The following GLB1L3 variants were observed in gnomAD, a reference collection of about 807,000 sequenced individuals.
The protein encoded by GLB1L3 is galactosidase beta 1 like 3.
Under a neutral mutation model 89.5 loss-of-function variants are expected in GLB1L3, and 89 were observed. The ratio of observed to expected loss-of-function variants is 0.99; its 90% confidence interval spans 0.84 to 1.19. The LOEUF is 1.19. Among genes scored for constraint, GLB1L3 ranks in the 50% most tolerant of loss-of-function variants. The pLI is 0.00. For missense variants in GLB1L3, 812 were observed against 813.3 expected, an observed-to-expected ratio of 1.00 and a Z score of 0.02; for synonymous variants, 314 against 312.3, an observed-to-expected ratio of 1.01 and a Z score of -0.06.
chr11:134,299,495 G>C (rs929155008), intron 9 of GLB1L3, among the ~76,000 whole-genome samples: 1 of 152,090 alleles, frequency 6.6e-6, no homozygotes, highest in Non-Finnish European at 1.5e-5. Context: ...TGGTTGTGGG[G>C]TTTGTTGTTG....
intron 7 of GLB1L3, among the ~76,000 whole-genome samples, chr11:134,289,434 C>T (rs1438408998): frequency 2.6e-5 from 4 of 151,962 alleles, no homozygotes; most frequent in Non-Finnish European, 4.4e-5. Flanking sequence ...GAAAAAAATC[C>T]GAGTATAAGT....
At chr11:134,282,172 A>T (rs1000333061) in intron 5 of GLB1L3, 52 bp downstream of exon 5, 4 of 1,489,454 alleles carry the variant, frequency 2.7e-6, no homozygotes, top group African/African-American at 2.8e-5. Flanking sequence ...TATTTGCTTT[A>T]AAAAAAGTGA....
chr11:134,280,734 A>G (rs1440584735), intron 3 of GLB1L3, among the ~76,000 whole-genome samples: 7 of 152,282 alleles, frequency 4.6e-5, no homozygotes, highest in Admixed American at 1.3e-4. Context: ...TCTACGATGT[A>G]TTGTCAAAAA....
In GLB1L3 at chr11:134,319,336, G is replaced by A. The variant is rs1360482284; in HGVS notation, c.*394G>A. ...ATTTATGTTAAGACTATCAAACACA[G>A]TGTTGCCTACAATAGCAAAAATGTG... On this transcript the variant is annotated 3_prime_UTR_variant, in exon 20 of 20. Transcript: ENST00000431683. 1 of 169,308 alleles carries A rather than the reference G, an allele frequency of 5.9e-6. No individual in the cohort carries two copies. The highest frequency in any genetic ancestry group is 1.6e-4 in the East Asian group (1 of 6,122). The allele number at this position is 169,308 out of a possible 1,614,324, so 10.5% of individuals were successfully genotyped here. A position where few individuals can be genotyped will look rare whatever the true frequency, so the allele number is the denominator to read the frequency against.
At chr11:134,309,085 GGTGTACTAATTATAT>G (rs2136212816) in intron 10 of GLB1L3, among the ~76,000 whole-genome samples, 1 of 152,156 alleles carries the variant, frequency 6.6e-6, no homozygotes, top group South Asian at 2.1e-4. Context: ...TAGTAATGAG[GGTGTACTAATTATAT>G]GTATGATTTC....
intron 9 of GLB1L3, 68 bp from the exon 10 acceptor site, chr11:134,307,056 A>G: frequency 9.0e-7 from 1 of 1,110,122 alleles, no homozygotes; most frequent in South Asian, 1.3e-5. Flanking sequence ...CATCTATTGC[A>G]TTCAGGTTTT....
At chr11:134,294,669 C>T (rs1274432615) in intron 9 of GLB1L3, among the ~76,000 whole-genome samples, 3 of 152,226 alleles carry the variant, frequency 2.0e-5, no homozygotes, top group Non-Finnish European at 2.9e-5. Flanking sequence ...TGGGCAGCCA[C>T]CAGTCTTCTT....
At chr11:134,309,526 C>G in intron 10 of GLB1L3, 100 bp from the exon 11 acceptor site, 1 of 779,486 alleles carries the variant, frequency 1.3e-6, no homozygotes. Context: ...GTTACTGTAA[C>G]TGATTGTGGA....
intron 6 of GLB1L3, among the ~76,000 whole-genome samples, chr11:134,287,751 G>A (rs1307911361): frequency 2.0e-5 from 3 of 152,254 alleles, no homozygotes; most frequent in Non-Finnish European, 4.4e-5. Flanking sequence ...GCGCTGCCCT[G>A]TGGAGGCAAA....
intron 9 of GLB1L3, 64 bp from the exon 10 acceptor site, chr11:134,307,060 A>G (rs756475282): frequency 8.6e-7 from 1 of 1,167,320 alleles, no homozygotes; most frequent in Non-Finnish European, 1.3e-6. Flanking sequence ...TATTGCATTC[A>G]GGTTTTCTGA....
chr11:134,300,664 A>G (rs1427155780), intron 9 of GLB1L3, among the ~76,000 whole-genome samples: 1 of 152,094 alleles, frequency 6.6e-6, no homozygotes. Flanking sequence ...CAAGGCGCCT[A>G]CAGGCTGTTC....
chr11:134,282,108 G>A lies in GLB1L3; in HGVS notation c.515G>A (p.Gly172Glu), dbSNP rs1466707931. 2.4e-5 allele frequency: 37 copies of A among 1,567,544 alleles called. No homozygotes were observed. Among genetic ancestry groups the A allele is most frequent in the Non-Finnish European group, 3.2e-5 (37 of 1,153,782 alleles). Reference sequence around the variant, plus strand: ...TACATCTGCAGTGAGATGGACCTCGGGGGCTTGCCCAGGTAAGCGGGGCTA... The same window carrying A: ...TACATCTGCAGTGAGATGGACCTCGAGGGCTTGCCCAGGTAAGCGGGGCTA... ...GRYICSEMDL[G>E]GLPSWLLQDP... Residue 172 changes from glycine to glutamate, a missense_variant, in exon 5 of 20, where the codon GGG becomes GAG. Transcript: ENST00000431683.
intron 6 of GLB1L3, among the ~76,000 whole-genome samples, chr11:134,285,091 GCTAA>G (rs1940909299): frequency 6.6e-6 from 1 of 151,816 alleles, no homozygotes; most frequent in Non-Finnish European, 1.5e-5. Context: ...ACCATGCCCG[GCTAA>G]CTTTTTGTAT....
intron 9 of GLB1L3, among the ~76,000 whole-genome samples, chr11:134,300,116 A>G (rs1423866862): frequency 1.3e-5 from 2 of 152,164 alleles, no homozygotes; most frequent in East Asian, 1.9e-4. Flanking sequence ...TAAACAGCAG[A>G]TGTTTATTTT....
chr11:134,322,036 ATTAT>A (rs914361621), downstream of GLB1L3, among the ~76,000 whole-genome samples: 18 of 152,248 alleles, frequency 1.2e-4, no homozygotes, highest in Non-Finnish European at 2.2e-4. Context: ...ATTGTCAGAC[ATTAT>A]TTAAAGAAAA....
At chr11:134,295,126 C>T (rs554524947) in intron 9 of GLB1L3, among the ~76,000 whole-genome samples, 1 of 152,300 alleles carries the variant, frequency 6.6e-6, no homozygotes, top group Admixed American at 6.5e-5. Context: ...ACGCTGGCCT[C>T]ATAAAATGAA....
chr11:134,298,551 G>A (rs1941775911), intron 9 of GLB1L3, among the ~76,000 whole-genome samples: 1 of 152,150 alleles, frequency 6.6e-6, no homozygotes, highest in Non-Finnish European at 1.5e-5. Flanking sequence ...GACAGACCCG[G>A]TGGGAAGTAA....
chr11:134,296,830 T>G (rs925430465), intron 9 of GLB1L3, among the ~76,000 whole-genome samples: 1 of 67,360 alleles, frequency 1.5e-5, no homozygotes, highest in Non-Finnish European at 3.5e-5. Flanking sequence ...ACCCTAAAAC[T>G]TAAAGTATAA....
chr11:134,298,030 C>G (rs1941748969), intron 9 of GLB1L3, among the ~76,000 whole-genome samples: 1 of 151,760 alleles, frequency 6.6e-6, no homozygotes, highest in South Asian at 2.1e-4. Context: ...GTTTCTACTT[C>G]CATGGTTTCT....
Sources: allele counts gnomAD v4.1 joint callset (sites outside exome capture counted in the v4.1 genomes callset), GRCh38; gene constraint gnomAD v4.1.1; transcripts MANE v1.5; gene names NCBI Gene and HGNC (gene_info 2026-07-23, HGNC 2026-07-21).